CNTNAP5: variants seen among roughly 807,000 people sequenced by gnomAD.
CNTNAP5 encodes the protein contactin-associated protein-like 5.
A neutral mutation model predicts 150.2 loss-of-function variants in CNTNAP5; 72 were observed. The observed-to-expected ratio is 0.48, with a 90% CI of 0.40 to 0.58. The LOEUF is 0.58. Among genes scored for constraint, CNTNAP5 ranks in the 20% least tolerant of loss-of-function variants. The pLI is 0.00. For synonymous variants in CNTNAP5, 672 were observed against 619.8 expected (o/e 1.08, Z -1.25); for missense variants, 1,636 against 1,626.2 (o/e 1.01, Z -0.10).
chr2:124,786,256 C>G (rs1462402319), intron 17 of CNTNAP5, among the ~76,000 whole-genome samples: 1 of 147,814 alleles, frequency 6.8e-6, no homozygotes, highest in African/African-American at 2.5e-5. Flanking sequence ...GAATATGACT[C>G]TGTCTCAAAA....
chr2:124,693,674 C>T (rs950634060), intron 13 of CNTNAP5, among the ~76,000 whole-genome samples: 1 of 152,028 alleles, frequency 6.6e-6, no homozygotes, highest in Non-Finnish European at 1.5e-5. Context: ...AATGAGCTGT[C>T]CTTTCCCTAC....
intron 13 of CNTNAP5, among the ~76,000 whole-genome samples, chr2:124,695,506 A>C (rs1399393644): frequency 1.3e-5 from 2 of 152,184 alleles, no homozygotes; most frequent in Admixed American, 1.3e-4. Flanking sequence ...GTGTACATGA[A>C]GAATTTGTGT....
chr2:124,065,031 G>A (rs765991268), intron 1 of CNTNAP5, among the ~76,000 whole-genome samples: 6 of 152,064 alleles, frequency 3.9e-5, no homozygotes, highest in African/African-American at 1.2e-4. Flanking sequence ...GTAGGTCCTC[G>A]TTTGTGTTGT....
At chr2:124,504,667 G>C (rs1445258060) in intron 8 of CNTNAP5, 111 bp downstream of exon 8, 2 of 862,548 alleles carry the variant, frequency 2.3e-6, no homozygotes, top group African/African-American at 3.5e-5. Context: ...GGTTAGCCCA[G>C]TATTCACAAA....
chr2:124,368,037 C>A (rs1232762209), intron 3 of CNTNAP5, among the ~76,000 whole-genome samples: 1 of 152,138 alleles, frequency 6.6e-6, no homozygotes, highest in East Asian at 1.9e-4. Flanking sequence ...TTATATGGAA[C>A]TATAGGTGAT....
chr2:124,153,074 A>T (rs1346339882), intron 1 of CNTNAP5, among the ~76,000 whole-genome samples: 1 of 152,186 alleles, frequency 6.6e-6, no homozygotes, highest in Non-Finnish European at 1.5e-5. Flanking sequence ...TGAGGTCAGG[A>T]TTGCTAAAGT....
chr2:124,161,283 T>G (rs1489154600), intron 1 of CNTNAP5, among the ~76,000 whole-genome samples: 4 of 152,134 alleles, frequency 2.6e-5, no homozygotes, highest in Non-Finnish European at 4.4e-5. Context: ...AGACGAAAAC[T>G]TGGTCTTCAT....
chr2:124,098,967 A>T (rs762976476), intron 1 of CNTNAP5, among the ~76,000 whole-genome samples: 1 of 152,108 alleles, frequency 6.6e-6, no homozygotes, highest in Non-Finnish European at 1.5e-5. Flanking sequence ...ACTAACATCC[A>T]CCATTTATTG....
intron 3 of CNTNAP5, among the ~76,000 whole-genome samples, chr2:124,291,222 A>T (rs1688282006): frequency 6.6e-6 from 1 of 152,116 alleles, no homozygotes; most frequent in African/African-American, 2.4e-5. Flanking sequence ...CCACAGATAG[A>T]TTCTATCACT....
intron 1 of CNTNAP5, among the ~76,000 whole-genome samples, chr2:124,115,609 A>ACCAAGAAATGATTGAATTATTGCTTT (rs1683408564): frequency 6.6e-6 from 1 of 151,490 alleles, no homozygotes; most frequent in Admixed American, 6.6e-5. Context: ...CTTCTGTAAA[A>ACCAAGAAATGATTGAATTATTGCTTT]CCAAGAAATG....
chr2:124,548,245 G>A (rs1176190314), intron 10 of CNTNAP5, among the ~76,000 whole-genome samples: 3 of 152,184 alleles, frequency 2.0e-5, no homozygotes, highest in African/African-American at 4.8e-5. Flanking sequence ...GAACAGGCAC[G>A]ATGTCAGGGG....
At chr2:124,510,163 C>T (rs28617216) in intron 8 of CNTNAP5, among the ~76,000 whole-genome samples, 70,233 of 150,300 alleles carry the variant, frequency 0.47, 16,451 homozygotes, top group Middle Eastern at 0.58. Context: ...AGCCAAGATC[C>T]TGCCACTGCA....
At chr2:124,243,412 T>C (rs1166090489) in intron 3 of CNTNAP5, among the ~76,000 whole-genome samples, 2 of 152,182 alleles carry the variant, frequency 1.3e-5, no homozygotes, top group Non-Finnish European at 2.9e-5. Flanking sequence ...ATACTCATTG[T>C]TATTTGTTAA....
At chr2:124,724,826 T>G (rs529063079) in intron 13 of CNTNAP5, among the ~76,000 whole-genome samples, 2 of 152,038 alleles carry the variant, frequency 1.3e-5, no homozygotes, top group Non-Finnish European at 2.9e-5. Context: ...ATTTTAGTCT[T>G]TACATTAAGC....
chr2:124,506,587 G>C (rs151304275), intron 8 of CNTNAP5, among the ~76,000 whole-genome samples: 1 of 152,312 alleles, frequency 6.6e-6, no homozygotes, highest in African/African-American at 2.4e-5. Flanking sequence ...AAAGGCCTGA[G>C]TCTGGAAGTC....
intron 1 of CNTNAP5, among the ~76,000 whole-genome samples, chr2:124,190,802 G>A (rs1685441045): frequency 6.6e-6 from 1 of 152,100 alleles, no homozygotes; most frequent in African/African-American, 2.4e-5. Flanking sequence ...CATATGTTGT[G>A]TATACATATA....
intron 11 of CNTNAP5, among the ~76,000 whole-genome samples, chr2:124,578,697 C>T (rs1032382977): frequency 6.6e-6 from 1 of 152,074 alleles, no homozygotes; most frequent in Non-Finnish European, 1.5e-5. Context: ...CATTTGAGCC[C>T]AGGATGTTGA....
intron 3 of CNTNAP5, among the ~76,000 whole-genome samples, chr2:124,404,606 G>C (rs1040967639): frequency 6.6e-6 from 1 of 152,204 alleles, no homozygotes; most frequent in Non-Finnish European, 1.5e-5. Context: ...GTGGCAGAAG[G>C]GCAGGGGGTG....
chr2:124,628,884 G>A (rs575920774), intron 12 of CNTNAP5, among the ~76,000 whole-genome samples: 22 of 152,092 alleles, frequency 1.4e-4, no homozygotes, highest in Middle Eastern at 6.8e-3. Context: ...TCAAGCAAAC[G>A]GAAAGCAGAA....
Sources: gnomAD v4.1 joint callset for allele counts (sites outside exome capture counted in the v4.1 genomes callset) on GRCh38, gnomAD v4.1.1 for gene constraint, MANE v1.5 for transcripts, NCBI Gene and HGNC (gene_info 2026-07-23, HGNC 2026-07-21) for gene names.